SH3BGRL2: variants seen among roughly 807,000 people sequenced by gnomAD.
The protein encoded by SH3BGRL2 is SH3 domain binding glutamate rich protein like 2.
A neutral mutation model predicts 14.8 loss-of-function variants in SH3BGRL2; 21 were observed. The observed-to-expected ratio is 1.42, with a 90% confidence interval of 1.01 to 2.05. The LOEUF is 2.05. SH3BGRL2 is among the 30% of genes most tolerant of loss of function. The pLI is 0.00. For synonymous variants in SH3BGRL2, 50 were observed against 47.8 expected (o/e 1.05, Z -0.19); for missense variants, 147 against 130.8 (o/e 1.12, Z -0.61).
At chr6:79,585,470 G>A in the SH3BGRL2 span, among the ~76,000 whole-genome samples, 1 of 152,134 alleles carries the variant, frequency 6.6e-6, no homozygotes, top group Non-Finnish European at 1.5e-5. Flanking sequence ...GATTAAAATT[G>A]GAGATAAAGT....
rs72907707 is a variant in SH3BGRL2, at chr6:79,702,406, T to A, written c.*2897T>A. 1 of 152,620 alleles carries A rather than the reference T, an allele frequency of 6.6e-6. No individual in the cohort carries two copies. Among genetic ancestry groups the A allele is most frequent in the African/African-American group, 2.4e-5 (1 of 41,456 alleles). 9.5% of individuals were successfully genotyped at this position (152,620 alleles called of 1,614,324 possible). A position where few individuals can be genotyped will look rare whatever the true frequency, so the allele number is the denominator to read the frequency against. On this transcript the variant is annotated 3_prime_UTR_variant, in exon 4 of 4. Transcript: ENST00000369838. ...CAGGCTGCACTTTGCTCCATATAAT[T>A]ATTGTTTTCAGATTTCAACTTGTAT...
the SH3BGRL2 span, among the ~76,000 whole-genome samples, chr6:79,618,963 G>A: frequency 7.0e-6 from 1 of 143,616 alleles, no homozygotes; most frequent in East Asian, 2.0e-4. Context: ...AAAGTTACTC[G>A]AAAGTCACCC....
chr6:79,584,468 A>G, the SH3BGRL2 span, among the ~76,000 whole-genome samples: 2 of 152,164 alleles, frequency 1.3e-5, no homozygotes, highest in East Asian at 3.9e-4. Flanking sequence ...ACCTTCCTGA[A>G]TGCCTTTCAG....
At chr6:79,546,615 G>A in the SH3BGRL2 span, among the ~76,000 whole-genome samples, 3 of 152,054 alleles carry the variant, frequency 2.0e-5, no homozygotes, top group Admixed American at 2.0e-4. Context: ...GGAAGTACAA[G>A]AAAATAATTC....
chr6:79,550,939 A>AT, the SH3BGRL2 span, among the ~76,000 whole-genome samples: 1 of 152,190 alleles, frequency 6.6e-6, no homozygotes, highest in African/African-American at 2.4e-5. Flanking sequence ...CAGGAAAACT[A>AT]TATTTTCTCA....
At chr6:79,539,168 C>T in the SH3BGRL2 span, among the ~76,000 whole-genome samples, 1 of 151,840 alleles carries the variant, frequency 6.6e-6, no homozygotes, top group African/African-American at 2.4e-5. Flanking sequence ...TGAAAAAAGA[C>T]CAAAAAATGT....
intron 1 of SH3BGRL2, among the ~76,000 whole-genome samples, chr6:79,647,753 A>C (rs1435098641): frequency 6.6e-6 from 1 of 152,160 alleles, no homozygotes; most frequent in Admixed American, 6.6e-5. Context: ...GATTCTAAAA[A>C]ATTTTACTTA....
At position 79,673,688 on chromosome 6, in the gene SH3BGRL2, A is replaced by G; in HGVS notation, c.120A>G (p.Thr40=). 1 of 1,614,208 alleles carries G rather than the reference A, an allele frequency of 6.2e-7. No homozygotes were observed. Among genetic ancestry groups the G allele is most frequent in the Non-Finnish European group, 8.5e-7 (1 of 1,180,030 alleles). ...TAGAGTTTGAGGAGGTGGATATCAC[A>G]ATGTCAGAAGAACAGAGGCAATGGA... is the stretch of plus-strand genomic sequence containing the variant. The part of the protein sequence containing the change: ...NKIEFEEVDI[T]MSEEQRQWMY... The change falls in exon 2 of 4, where the codon ACA becomes ACG. Residue 40 remains threonine (T), a synonymous_variant. Transcript: ENST00000369838.
chr6:79,594,132 G>T, the SH3BGRL2 span, among the ~76,000 whole-genome samples: 1 of 151,734 alleles, frequency 6.6e-6, no homozygotes. Context: ...TATATTAACA[G>T]AAATAATAAA....
intron 2 of SH3BGRL2, among the ~76,000 whole-genome samples, chr6:79,686,089 C>T (rs1269822461): frequency 6.6e-6 from 1 of 152,084 alleles, no homozygotes; most frequent in Non-Finnish European, 1.5e-5. Context: ...TTCCATTTTC[C>T]ATATTCTTTG....
At chr6:79,631,915 G>C (rs2127721469) in intron 1 of SH3BGRL2, among the ~76,000 whole-genome samples, 1 of 152,298 alleles carries the variant, frequency 6.6e-6, no homozygotes, top group African/African-American at 2.4e-5. Flanking sequence ...CTGCTGCTTT[G>C]GTTTGTTACC....
At chr6:79,559,572 A>G in the SH3BGRL2 span, among the ~76,000 whole-genome samples, 1 of 152,240 alleles carries the variant, frequency 6.6e-6, no homozygotes, top group Non-Finnish European at 1.5e-5. Flanking sequence ...AATTAAATAC[A>G]ATACTTCGTA....
chr6:79,605,963 A>T, the SH3BGRL2 span, among the ~76,000 whole-genome samples: 4 of 152,212 alleles, frequency 2.6e-5, no homozygotes, highest in African/African-American at 7.2e-5. Context: ...ATTATATTTT[A>T]ATTTCCAATG....
chr6:79,641,756 TA>T (rs565622171), intron 1 of SH3BGRL2, among the ~76,000 whole-genome samples: 8 of 151,624 alleles, frequency 5.3e-5, no homozygotes, highest in African/African-American at 1.5e-4. Context: ...GTAATAACAG[TA>T]AAAAAAAATC....
chr6:79,633,376 C>T (rs1768862055), intron 1 of SH3BGRL2, among the ~76,000 whole-genome samples: 2 of 152,142 alleles, frequency 1.3e-5, no homozygotes, highest in Non-Finnish European at 2.9e-5. Context: ...ATCCTTATAA[C>T]AGCTTCTTTT....
chr6:79,565,529 C>G, the SH3BGRL2 span, among the ~76,000 whole-genome samples: 1 of 11,630 alleles, frequency 8.6e-5, no homozygotes, highest in African/African-American at 2.0e-4. Flanking sequence ...ATAGTTTATC[C>G]TGTTATTTGG....
chr6:79,593,446 A>C, the SH3BGRL2 span, among the ~76,000 whole-genome samples: 1 of 152,180 alleles, frequency 6.6e-6, no homozygotes. Context: ...CTACCTTGAC[A>C]GCTACAGAGG....
At chr6:79,599,332 A>G in the SH3BGRL2 span, among the ~76,000 whole-genome samples, 2 of 151,964 alleles carry the variant, frequency 1.3e-5, no homozygotes, top group Non-Finnish European at 2.9e-5. Flanking sequence ...CCTTTCTTGC[A>G]CTAAACATGA....
chr6:79,688,195 A>AT (rs1770139655), intron 2 of SH3BGRL2, among the ~76,000 whole-genome samples: 1 of 149,754 alleles, frequency 6.7e-6, no homozygotes, highest in African/African-American at 2.5e-5. Flanking sequence ...GTGATGAGAG[A>AT]TTTAAAAAAA....
Sources: allele counts gnomAD v4.1 joint callset (sites outside exome capture counted in the v4.1 genomes callset), GRCh38; gene constraint gnomAD v4.1.1; transcripts MANE v1.5; gene names NCBI Gene and HGNC (gene_info 2026-07-23, HGNC 2026-07-21).